Variants in FANCA observed in about 807,000 individuals in gnomAD.
FANCA encodes FA complementation group A, also known as Fanconi anemia group A protein.
In FANCA, 236 loss-of-function variants were observed where a neutral mutation model predicts 194.3. The observed-to-expected ratio is 1.21, with a 90% CI of 1.09 to 1.35. The LOEUF (loss-of-function observed/expected upper bound fraction) is 1.35, where lower values mean the gene tolerates loss of function less well. Among genes scored for constraint, FANCA ranks in the 40% most tolerant of loss-of-function variants. FANCA has a pLI of 0.00. For missense variants in FANCA, 2,628 were observed against 1,813.9 expected (o/e 1.45, Z -8.15); for synonymous variants, 1,014 against 715.8 (o/e 1.42, Z -6.65).
intron 21 of FANCA, among the ~76,000 whole-genome samples, chr16:89,774,532 C>A (rs1201400083): frequency 2.0e-5 from 3 of 151,006 alleles, no homozygotes; most frequent in Admixed American, 2.0e-4. Context: ...AGATTGAGAC[C>A]ATTCTGGCTA....
In FANCA at chr16:89,791,948, C is replaced by A. The variant is rs1437697372; in HGVS notation, c.1204G>T (p.Glu402Ter). 6.2e-7 allele frequency: 1 copy of A among 1,614,186 alleles called. No individual in the cohort carries two copies. The highest frequency in any genetic ancestry group is 1.3e-5 in the African/African-American group (1 of 75,044). ...TCACCTTCAAGCAGCTGCTGCGCTT[C>A]TGGAAAGCAGACAACCAGGGCAGAC... ...FVSALVVCFP[E>*]AQQLLEDWVA... is the part of the protein sequence containing the mutation. Residue 402 changes from glutamate (E) to a stop codon, truncating the protein, a stop_gained, in exon 13 of 43, where the codon GAA (glutamate) becomes TAA (stop). Coordinates refer to ENST00000389301, the MANE Select transcript of FANCA (RefSeq NM_000135.4). LOFTEE classifies it high-confidence loss of function.
rs753211631 is a variant in FANCA, at chr16:89,805,279, C to T, written c.709+1G>A. 1 of 1,612,356 alleles carries T rather than the reference C, an allele frequency of 6.2e-7. No homozygotes were observed. The highest frequency in any genetic ancestry group is 8.5e-7 in the Non-Finnish European group (1 of 1,178,614). On this transcript the variant is annotated splice_donor_variant, in intron 7 of 42. Coordinates refer to ENST00000389301, the MANE Select transcript of FANCA (RefSeq NM_000135.4). LOFTEE classifies it high-confidence loss of function. Reference sequence around the variant, plus strand: ...GAACCCGCATCTTGTCATGAACGCACCAGAAAGCATGGCCCTGGCGACGTC... The same window carrying T: ...GAACCCGCATCTTGTCATGAACGCATCAGAAAGCATGGCCCTGGCGACGTC...
Position 89,814,548 on chromosome 16 carries a change from G to T in FANCA, c.255C>A (p.Ala85=), listed in dbSNP as rs780353222. The T allele has an allele frequency of 3.2e-5, 52 of 1,613,366 alleles. No homozygotes were observed. The highest frequency in any genetic ancestry group is 4.2e-5 in the Non-Finnish European group (49 of 1,179,374). The change falls in exon 3 of 43, where the codon GCC becomes GCA. Residue 85 remains alanine (A), a synonymous_variant. Coordinates refer to ENST00000389301, the MANE Select transcript of FANCA (RefSeq NM_000135.4). ...TAAATGAACTAGAATGATTAGCATA[G>T]GCCTCAGAACTGTCACAGTCAATCA... ...SKVIDCDSSE[A]YANHSSSFIG... is the part of the protein sequence containing the mutation.
chr16:89,791,845 C>A, intron 13 of FANCA, 82 bp downstream of exon 13: 1 of 1,558,088 alleles, frequency 6.4e-7, no homozygotes, highest in Non-Finnish European at 8.8e-7. Context: ...CTGAGAGGCT[C>A]ACCCACAGTC....
intron 8 of FANCA, among the ~76,000 whole-genome samples, chr16:89,801,343 C>CAAAAAAAAAAAAAAA (rs60802306): frequency 1.0e-5 from 1 of 100,334 alleles, no homozygotes; most frequent in African/African-American, 3.8e-5. Context: ...GACTCTGTCT[C>CAAAAAAAAAAAAAAA]AAAAAAAAAA....
chr16:89,803,214 G>C lies in FANCA; in HGVS notation c.792+45C>G, dbSNP rs375125584. 7 of 1,552,532 alleles carry C rather than the reference G, an allele frequency of 4.5e-6. No individual in the cohort carries two copies. The African/African-American group carries it at 6.8e-5, about 15-fold the overall frequency. ...AAATACATTTCAACACTTGGAATAA[G>C]GACGGCTCCTTCCGCTAAACTCTTC... On this transcript the variant is annotated intron_variant, in intron 8 of 42. Coordinates refer to ENST00000389301, the MANE Select transcript of FANCA (RefSeq NM_000135.4).
At chr16:89,793,286 C>G (rs1246023112) in intron 11 of FANCA, among the ~76,000 whole-genome samples, 1 of 152,186 alleles carries the variant, frequency 6.6e-6, no homozygotes, top group Non-Finnish European at 1.5e-5. Context: ...CACCGCTAGA[C>G]CAAGGAGCCC....
In FANCA at chr16:89,738,731, C is replaced by T. The variant is rs371859584; in HGVS notation, c.4261-23G>A. The T allele has an allele frequency of 4.3e-6, 7 of 1,613,244 alleles. No homozygotes were observed. Among genetic ancestry groups the T allele is most frequent in the Non-Finnish European group, 5.9e-6 (7 of 1,179,722 alleles). Reference sequence around the variant, plus strand: ...CAGCTGTGAGAGAGGAGCAGGTCCTCAGCCCATGCCGCCCACTAGGCCTCA... The same window carrying T: ...CAGCTGTGAGAGAGGAGCAGGTCCTTAGCCCATGCCGCCCACTAGGCCTCA... On this transcript the variant is annotated intron_variant, in intron 42 of 42. Transcript: ENST00000389301.
chr16:89,799,016 T>G (rs1165554303), intron 10 of FANCA, 150 bp downstream of exon 10: 1 of 1,614,056 alleles, frequency 6.2e-7, no homozygotes, highest in African/African-American at 1.3e-5. Context: ...CATGGTCGCC[T>G]CCTCCTCACG....
Position 89,738,702 on chromosome 16 carries a change from CCAG to C in FANCA, c.4264_4266del (p.Leu1422del). 1 of 1,613,904 alleles carries C rather than the reference CCAG, an allele frequency of 6.2e-7. No homozygotes were observed. The highest frequency in any genetic ancestry group is 1.3e-5 in the African/African-American group (1 of 75,054). ...TCTGGGTCGCAGTCCCCACGATCAG[CCAG>C]CAGCTGTGAGAGAGGAGCAGGTCCT... On this transcript the variant is annotated inframe_deletion, in exon 43 of 43. Coordinates refer to ENST00000389301, the MANE Select transcript of FANCA (RefSeq NM_000135.4).
intron 26 of FANCA, among the ~76,000 whole-genome samples, chr16:89,768,668 A>G (rs1445583042): frequency 1.3e-5 from 2 of 151,424 alleles, no homozygotes; most frequent in Non-Finnish European, 2.9e-5. Context: ...AACAAAAACC[A>G]AAAACCAAAA....
chr16:89,790,100 C>T (rs749282978), intron 14 of FANCA, among the ~76,000 whole-genome samples: 3 of 152,160 alleles, frequency 2.0e-5, no homozygotes, highest in African/African-American at 4.8e-5. Context: ...TCAGGACTTA[C>T]GTGAAAATTA....
chr16:89,802,923 G>C (rs2040506614), intron 8 of FANCA, among the ~76,000 whole-genome samples: 1 of 152,162 alleles, frequency 6.6e-6, no homozygotes, highest in African/African-American at 2.4e-5. Context: ...GAAGAGAGTT[G>C]GTTAATGGGT....
At chr16:89,787,768 C>T (rs1448979268) in intron 14 of FANCA, among the ~76,000 whole-genome samples, 1 of 151,930 alleles carries the variant, frequency 6.6e-6, no homozygotes, top group Non-Finnish European at 1.5e-5. Context: ...CCACAAATTA[C>T]ATTTAACTAC....
chr16:89,738,150 G>C lies in FANCA; in HGVS notation c.*451C>G. On this transcript the variant is annotated 3_prime_UTR_variant, in exon 43 of 43. Transcript: ENST00000389301. ...TGGTGCACCCGCTGACACAGACCCAGGACAAGGCCCTGCCCCTGGAGGCGG... is the reference window on the plus strand; with the variant it reads ...TGGTGCACCCGCTGACACAGACCCACGACAAGGCCCTGCCCCTGGAGGCGG... 1 of 1,613,572 alleles carries C rather than the reference G, an allele frequency of 6.2e-7. No homozygotes were observed.
In FANCA at chr16:89,791,524, C is replaced by T. The variant is rs201385829; in HGVS notation, c.1238G>A (p.Arg413His). 2.5e-5 allele frequency: 40 copies of T among 1,614,094 alleles called. No homozygotes were observed. The highest frequency in any genetic ancestry group is 7.7e-5 in the South Asian group (7 of 91,076). The change falls in exon 14 of 43, where the codon CGT becomes CAT. Residue 413 changes from arginine (R) to histidine (H), a missense_variant. By Grantham distance (29) the Arg-to-His change is conservative. Coordinates refer to ENST00000389301, the MANE Select transcript of FANCA (RefSeq NM_000135.4). ...GCTCTCGAATGCCTGGGCCATCAAACGCGCCACCCAGTCTAGTTAAGAACC... is the reference window on the plus strand; with the variant it reads ...GCTCTCGAATGCCTGGGCCATCAAATGCGCCACCCAGTCTAGTTAAGAACC... ...AQQLLEDWVA[R>H]LMAQAFESCQ...
intron 18 of FANCA, 90 bp from the exon 19 acceptor site, chr16:89,779,093 G>C: frequency 8.1e-7 from 1 of 1,239,480 alleles, no homozygotes; most frequent in South Asian, 1.2e-5. Flanking sequence ...AGAGTGGACT[G>C]CGAGGGCTCA....
In FANCA at chr16:89,792,514, C is replaced by A. The variant is rs537652018; in HGVS notation, c.1040G>T (p.Ser347Ile). The change falls in exon 12 of 43, where the codon AGC becomes ATC. Residue 347 changes from serine to isoleucine, a missense_variant. Ser to Ile is a moderately radical substitution (Grantham distance 142, BLOSUM62 -2). Coordinates refer to ENST00000389301, the MANE Select transcript of FANCA (RefSeq NM_000135.4). ...SDAVQMQREW[S>I]FARTHPLLTS... ...GAGCAGAGGGTGTGTCCGCGCAAAG[C>A]TCCACTCTCTCTGCATCTGAACAGC... 2 of 1,613,500 alleles carry A rather than the reference C, an allele frequency of 1.2e-6. No homozygotes were observed. Among genetic ancestry groups the A allele is most frequent in the African/African-American group, 1.3e-5 (1 of 75,044 alleles).
In FANCA at chr16:89,747,004, G is replaced by A. The variant is rs560034364; in HGVS notation, c.3349-114C>T. 1.1e-5 allele frequency: 11 copies of A among 1,033,346 alleles called. No homozygotes were observed. The South Asian group carries it at 1.1e-4, about 10-fold the overall frequency. 64.0% of individuals were successfully genotyped at this position (1,033,346 alleles called of 1,614,324 possible). A position where few individuals can be genotyped will look rare whatever the true frequency, so the allele number is the denominator to read the frequency against. On this transcript the variant is annotated intron_variant, in intron 33 of 42. Coordinates refer to ENST00000389301, the MANE Select transcript of FANCA (RefSeq NM_000135.4). ...AGAAAAACACTCGCTAAGGCTTGGCGTGGCCACCATGGATGGTGCTCCTGG... is the reference window on the plus strand; with the variant it reads ...AGAAAAACACTCGCTAAGGCTTGGCATGGCCACCATGGATGGTGCTCCTGG...
Sources: gnomAD v4.1 joint callset for allele counts (sites outside exome capture counted in the v4.1 genomes callset) on GRCh38, gnomAD v4.1.1 for gene constraint, MANE v1.5 for transcripts, NCBI Gene and HGNC (gene_info 2026-07-23, HGNC 2026-07-21) for gene names.